Variants in PIEZO2 observed in about 807,000 individuals in gnomAD.
PIEZO2 encodes the protein piezo-type mechanosensitive ion channel component 2.
In PIEZO2, 172 loss-of-function variants were observed where a neutral mutation model predicts 337.3. The ratio of observed to expected loss-of-function variants is 0.51; its 90% CI spans 0.45 to 0.58. The LOEUF is 0.58. Ranked by LOEUF, PIEZO2 falls within the 20% of genes least tolerant of loss-of-function variation. The pLI, the probability that PIEZO2 is intolerant of heterozygous loss-of-function variation, is 0.00. For missense variants in PIEZO2, 3,028 were observed against 3,391.3 expected (o/e 0.89, Z 2.66); for synonymous variants, 1,251 against 1,228.5 (o/e 1.02, Z -0.38).
rs556793886 is a variant in PIEZO2 at position 11,128,391 on chromosome 18, G to C, written c.64+20134C>G. Among the ~76,000 whole-genome samples, 2 of 152,180 alleles carry C rather than the reference G, an allele frequency of 1.3e-5. No individual in the cohort carries two copies. The highest frequency in any genetic ancestry group is 4.8e-5 in the African/African-American group (2 of 41,416). On this transcript the variant is annotated intron_variant, in intron 1 of 55. Coordinates refer to ENST00000674853, the MANE Select transcript of PIEZO2 (RefSeq NM_001378183.1). The surrounding 1 kb of genome is among the most constrained non-coding windows in gnomAD (Gnocchi z 4.1). ...GAAAGATACATGCACAGCCCCGCCAGGTGTCTACTGTTAAAGTGAGGGCAT... is the reference window on the plus strand; with the variant it reads ...GAAAGATACATGCACAGCCCCGCCACGTGTCTACTGTTAAAGTGAGGGCAT...
At chr18:10,882,536 G>A (rs2042450496) in intron 4 of PIEZO2, among the ~76,000 whole-genome samples, 1 of 152,138 alleles carries the variant, frequency 6.6e-6, no homozygotes, top group South Asian at 2.1e-4. Flanking sequence ...TGAAATACAG[G>A]AAGCATGTTA....
At chr18:10,883,807 G>A (rs1252851286) in intron 4 of PIEZO2, among the ~76,000 whole-genome samples, 2 of 76,140 alleles carry the variant, frequency 2.6e-5, no homozygotes, top group East Asian at 1.0e-3. Flanking sequence ...GTTTCTATGA[G>A]TCCTACTTCT....
intron 9 of PIEZO2, 84 bp from the exon 10 acceptor site, chr18:10,801,512 C>T: frequency 8.0e-7 from 1 of 1,255,260 alleles, no homozygotes; most frequent in Non-Finnish European, 1.1e-6. Context: ...TTTTACTGTG[C>T]ACAAGCCCAT....
intron 2 of PIEZO2, among the ~76,000 whole-genome samples, chr18:10,986,391 T>C (rs79224405): frequency 0.015 from 2,247 of 152,060 alleles, 65 homozygotes; most frequent in African/African-American, 0.048. Context: ...TATACCATAA[T>C]CAAGTGGAAT....
At position 10,859,071 on chromosome 18, in the gene PIEZO2, G is replaced by A. The variant is rs996330504; in HGVS notation, c.493-1860C>T. ...AATGAATGCCCCCTTCAGGGAGGTC[G>A]AATAGGGTGATGTGGTAGTGATAAA... On this transcript the variant is annotated intron_variant, in intron 5 of 55. Transcript: ENST00000674853. The surrounding 1 kb of genome is among the most constrained non-coding windows in gnomAD (Gnocchi z 4.9). Among the ~76,000 whole-genome samples the A allele has an allele frequency of 4.6e-5, 7 of 152,140 alleles. No homozygotes were observed. Among genetic ancestry groups the A allele is most frequent in the African/African-American group, 7.2e-5 (3 of 41,430 alleles).
chr18:10,736,689 T>A lies in PIEZO2; in HGVS notation c.4730A>T (p.Tyr1577Phe). The change falls in exon 34 of 56, where the codon TAT becomes TTT. Residue 1577 changes from tyrosine (Y) to phenylalanine (F), a missense_variant. Around this residue, in one of 5 missense-constraint regions of PIEZO2, gnomAD observed 1,925 missense variants for 2,051.9 expected, o/e 0.94. Transcript: ENST00000674853. Reference protein sequence around the residue: ...HASMVRSGDYYLFETDSEEEE... With the variant: ...HASMVRSGDYFLFETDSEEEE... ...CTCTTCACTATCCGTTTCAAACAAA[T>A]AATAATCTCCACTCCTGACCACTAA... 1.3e-6 allele frequency: 2 copies of A among 1,537,090 alleles called. No individual in the cohort carries two copies. Among genetic ancestry groups the A allele is most frequent in the Non-Finnish European group, 1.7e-6 (2 of 1,146,790 alleles).
chr18:10,770,076 A>C, intron 21 of PIEZO2, 72 bp downstream of exon 21: 23 of 1,428,718 alleles, frequency 1.6e-5, no homozygotes, highest in Middle Eastern at 1.8e-4. Flanking sequence ...AAAATCATGG[A>C]CAGCTGGAAA....
intron 4 of PIEZO2, among the ~76,000 whole-genome samples, chr18:10,879,391 C>CTTTTTTTTTTTTTTTT (rs11385433): frequency 1.9e-5 from 2 of 106,040 alleles, no homozygotes; most frequent in Non-Finnish European, 1.7e-5. Context: ...CCTTTCCAAT[C>CTTTTTTTTTTTTTTTT]TTTTTTTTTT....
In PIEZO2 at chr18:11,016,415, C is replaced by T. The variant is rs2145688637; in HGVS notation, c.161-36755G>A. On this transcript the variant is annotated intron_variant, in intron 2 of 55. Transcript: ENST00000674853. The surrounding 1 kb of genome is among the most constrained non-coding windows in gnomAD (Gnocchi z 5.6). Reference sequence around the variant, plus strand: ...GGAGGGCACTGACAACACAGAGGAACCAAAACCCAGACAATTCCCTTCAGG... The same window carrying T: ...GGAGGGCACTGACAACACAGAGGAATCAAAACCCAGACAATTCCCTTCAGG... Among the ~76,000 whole-genome samples, 1 of 152,232 alleles carries T rather than the reference C, an allele frequency of 6.6e-6. No homozygotes were observed. Among genetic ancestry groups the T allele is most frequent in the Non-Finnish European group, 1.5e-5 (1 of 68,000 alleles).
In PIEZO2 at chr18:11,102,822, C is replaced by T. The variant is rs2039458026; in HGVS notation, c.65-36600G>A. On this transcript the variant is annotated intron_variant, in intron 1 of 55. Coordinates refer to ENST00000674853, the MANE Select transcript of PIEZO2 (RefSeq NM_001378183.1). This position sits in a 1 kb window ranked among gnomAD's most constrained non-coding sequence, Gnocchi z 5.7. ...CAGGACTTCAGACTTCAGATGGTTC[C>T]AGGCCGGCCTCCTCTCCCTCCCAGG... is the stretch of plus-strand genomic sequence containing the variant. Among the ~76,000 whole-genome samples the T allele has an allele frequency of 6.6e-6, 1 of 152,190 alleles. No homozygotes were observed. Among genetic ancestry groups the T allele is most frequent in the Non-Finnish European group, 1.5e-5 (1 of 68,038 alleles).
chr18:10,844,681 C>T (rs181090036), intron 7 of PIEZO2, among the ~76,000 whole-genome samples: 69 of 149,168 alleles, frequency 4.6e-4, no homozygotes, highest in African/African-American at 1.3e-3. Flanking sequence ...CCCAGCTACT[C>T]GGGAGGCTGA....
chr18:10,758,234 C>G, intron 26 of PIEZO2, 100 bp from the exon 27 acceptor site: 2 of 1,313,970 alleles, frequency 1.5e-6, no homozygotes, highest in South Asian at 1.5e-5. Context: ...TCCCCAGCTC[C>G]TAAGTGAGTT....
At chr18:10,992,260 T>G (rs777914496) in intron 2 of PIEZO2, among the ~76,000 whole-genome samples, 12 of 152,362 alleles carry the variant, frequency 7.9e-5, no homozygotes, top group African/African-American at 1.4e-4. Context: ...CAATTTTGGC[T>G]TTTGTTGCCA....
chr18:10,711,429 G>A (rs910711733), intron 39 of PIEZO2, among the ~76,000 whole-genome samples: 3 of 152,100 alleles, frequency 2.0e-5, no homozygotes, highest in Admixed American at 6.6e-5. Flanking sequence ...AAACCCTTGA[G>A]ATTGTATGAA....
chr18:11,132,659 C>A lies in PIEZO2; in HGVS notation c.64+15866G>T, dbSNP rs1207609897. Among the ~76,000 whole-genome samples the A allele has an allele frequency of 6.6e-6, 1 of 152,038 alleles. No homozygotes were observed. Among genetic ancestry groups the A allele is most frequent in the Non-Finnish European group, 1.5e-5 (1 of 68,010 alleles). ...TTCTGCTGGCCTAGAGGTCTTAGTT[C>A]CAGAAGAAGGAGCACTGCCACCAGT... On this transcript the variant is annotated intron_variant, in intron 1 of 55. Transcript: ENST00000674853. The surrounding 1 kb of genome is among the most constrained non-coding windows in gnomAD (Gnocchi z 4.7).
chr18:10,724,583 G>A lies in PIEZO2; in HGVS notation c.5030-6324C>T. 1 of 591,832 alleles carries A rather than the reference G, an allele frequency of 1.7e-6. No homozygotes were observed. Among genetic ancestry groups the A allele is most frequent in the Non-Finnish European group, 3.1e-6 (1 of 325,758 alleles). 36.7% of individuals were successfully genotyped at this position (591,832 alleles called of 1,614,324 possible). On this transcript the variant is annotated intron_variant, in intron 36 of 55. Coordinates refer to ENST00000674853, the MANE Select transcript of PIEZO2 (RefSeq NM_001378183.1). This position sits in a 1 kb window ranked among gnomAD's most constrained non-coding sequence, Gnocchi z 5.8. ...CCAGAAGTCGACAGTGTGGGGAGTT[G>A]GAGTGACCCAGCTGGATGTGACCCC... is the stretch of plus-strand genomic sequence containing the variant.
intron 3 of PIEZO2, among the ~76,000 whole-genome samples, chr18:10,934,272 G>C (rs962002430): frequency 1.3e-5 from 2 of 152,148 alleles, no homozygotes; most frequent in Non-Finnish European, 2.9e-5. Context: ...CCCAGTACAT[G>C]GGTGACGAAG....
At chr18:11,120,990 C>T (rs148940905) in intron 1 of PIEZO2, among the ~76,000 whole-genome samples, 93 of 152,306 alleles carry the variant, frequency 6.1e-4, no homozygotes, top group Middle Eastern at 6.8e-3. Flanking sequence ...TGGTGGCTCA[C>T]GCCTAAAATC....
In PIEZO2 at chr18:10,773,717, A is replaced by C; in HGVS notation, c.2568-88T>G. ...GCAAGTAAAAGGAGGATAAACACAA[A>C]TGAAATCAGTGCATGTACAAAGACC... On this transcript the variant is annotated intron_variant, in intron 19 of 55. Transcript: ENST00000674853. The surrounding 1 kb of genome is among the most constrained non-coding windows in gnomAD (Gnocchi z 5.3). 7.9e-7 allele frequency: 1 copy of C among 1,259,402 alleles called. No homozygotes were observed. Among genetic ancestry groups the C allele is most frequent in the Non-Finnish European group, 1.1e-6 (1 of 900,356 alleles). 78.0% of individuals were successfully genotyped at this position (1,259,402 alleles called of 1,614,324 possible).
Sources: gnomAD v4.1 joint callset for allele counts (sites outside exome capture counted in the v4.1 genomes callset) on GRCh38, gnomAD v4.1.1 for gene constraint, gnomAD v4.1.1 regional missense constraint, Gnocchi (gnomAD v3.1) non-coding constraint, MANE v1.5 for transcripts, NCBI Gene and HGNC (gene_info 2026-07-23, HGNC 2026-07-21) for gene names.